The following RPS24 variants were observed in gnomAD, a reference collection of about 807,000 sequenced individuals.
The protein encoded by RPS24 is ribosomal protein S24.
For synonymous variants in RPS24, 72 were observed against 55.6 expected (o/e 1.30, Z -1.31); for missense variants, 100 against 162.5 (o/e 0.62, Z 2.09).
chr10:78,035,926 C>T, intron 3 of RPS24: 1 of 581,086 alleles, frequency 1.7e-6, no homozygotes, highest in East Asian at 3.0e-5. Context: ...TTCAGAAGGG[C>T]AGCTGAAGTA....
At chr10:78,039,953 G>T in intron 4 of RPS24, 1 of 571,506 alleles carries the variant, frequency 1.7e-6, no homozygotes, top group Non-Finnish European at 3.2e-6. Flanking sequence ...TCTCTTCATT[G>T]TGAAGTCCGG....
intron 4 of RPS24, chr10:78,039,817 T>A (rs1847953506): frequency 3.7e-6 from 1 of 273,304 alleles, no homozygotes; most frequent in African/African-American, 2.2e-5. Flanking sequence ...CTGTAATGAT[T>A]CTCGTAACTG....
Position 78,035,794 on chromosome 10 carries a change from A to G in RPS24, c.279+74A>G, listed in dbSNP as rs372574990. 7 of 1,253,208 alleles carry G rather than the reference A, an allele frequency of 5.6e-6. No homozygotes were observed. In the African/African-American group the frequency reaches 7.3e-5, roughly 13 times the overall value. The allele number at this position is 1,253,208 out of a possible 1,614,324, so 77.6% of individuals were successfully genotyped here. On this transcript the variant is annotated intron_variant, in intron 3 of 5. Transcript: ENST00000372360. ...AATAGCGTTGTGTTGTGAGTGTGGT[A>G]AAAAGGGCAAGACCAAGCAATCTGG...
At chr10:78,046,921 A>G (rs543402548) in intron 4 of RPS24, among the ~76,000 whole-genome samples, 4 of 151,902 alleles carry the variant, frequency 2.6e-5, no homozygotes, top group Admixed American at 6.5e-5. Flanking sequence ...CTAGAAATTC[A>G]ATTTCTTGGG....
At chr10:78,055,053 C>T in exon 5 of RPS24, 2 of 1,456,702 alleles carry the variant, frequency 1.4e-6, no homozygotes, top group African/African-American at 1.4e-5. Flanking sequence ...GAGGATGCTT[C>T]ATCTCTCCAC....
At chr10:78,040,521 ATTG>A in intron 5 of RPS24, 91 bp from the exon 6 acceptor site, 4 of 900,804 alleles carry the variant, frequency 4.4e-6, no homozygotes, top group South Asian at 4.0e-5. Context: ...GTTACTAATA[ATTG>A]TTGTGCATGA....
At chr10:78,037,133 G>T in intron 3 of RPS24, 61 bp from the exon 4 acceptor site, 1 of 1,554,512 alleles carries the variant, frequency 6.4e-7, no homozygotes, top group Non-Finnish European at 8.7e-7. Context: ...TTCCCTACCA[G>T]AGTGGTGGGT....
intron 4 of RPS24, chr10:78,039,962 G>T (rs992074498): frequency 1.7e-6 from 1 of 587,868 alleles, no homozygotes; most frequent in African/African-American, 1.9e-5. Flanking sequence ...TGTGAAGTCC[G>T]GCTACCTCGT....
rs558584969 is a variant in RPS24 at position 78,054,666 on chromosome 10, G to A, written c.526G>A (p.Val176Met). Residue 176 changes from valine (V) to methionine (M), a missense_variant, in exon 5 of 5, where the codon GTG (valine) becomes ATG (methionine). Val to Met is a conservative substitution (Grantham distance 21, BLOSUM62 1). Transcript: ENST00000440692. ...GGTAGAAGTGCCAGGACCGTGGAGC[G>A]TGTGGACATGTGGCAGATTGCGGAG... The A allele has an allele frequency of 3.5e-5, 54 of 1,551,726 alleles. No individual in the cohort carries two copies. The highest frequency in any genetic ancestry group is 1.6e-4 in the Admixed American group (8 of 51,008).
intron 4 of RPS24, among the ~76,000 whole-genome samples, chr10:78,051,274 C>T: frequency 6.6e-6 from 1 of 152,218 alleles, no homozygotes; most frequent in East Asian, 1.9e-4. Context: ...CCCTGGCAAC[C>T]ACAAATCTGT....
chr10:78,051,161 G>A (rs1486370852), intron 4 of RPS24, among the ~76,000 whole-genome samples: 1 of 152,178 alleles, frequency 6.6e-6, no homozygotes, highest in Admixed American at 6.5e-5. Context: ...CTGCACTCCA[G>A]CCTGGGCAAC....
rs1025342367 is a variant in RPS24 at position 78,037,273 on chromosome 10, C to T, written c.359C>T (p.Thr120Ile). 6.2e-7 allele frequency: 1 copy of T among 1,606,418 alleles called. No individual in the cohort carries two copies. Among genetic ancestry groups the T allele is most frequent in the African/African-American group, 1.3e-5 (1 of 74,872 alleles). ...RKNRMKKVRGTAKANVGAGKK is the reference protein window; with the variant it reads ...RKNRMKKVRGIAKANVGAGKK Reference sequence around the variant, plus strand: ...AACAGAATGAAGAAAGTCAGGGGGACTGCAAAGGCCAATGTTGGTGCTGGC... The same window carrying T: ...AACAGAATGAAGAAAGTCAGGGGGATTGCAAAGGCCAATGTTGGTGCTGGC... Residue 120 changes from threonine to isoleucine, a missense_variant, in exon 4 of 6, where the codon ACT (threonine) becomes ATT (isoleucine). Physicochemically the swap from Thr to Ile is moderately conservative, Grantham distance 89. Coordinates refer to ENST00000372360, the MANE Select transcript of RPS24 (RefSeq NM_033022.4).
chr10:78,041,094 C>T (rs144174853), downstream of RPS24, among the ~76,000 whole-genome samples: 53 of 152,080 alleles, frequency 3.5e-4, no homozygotes, highest in African/African-American at 1.1e-3. Context: ...CCTACCTTGG[C>T]CACATAAAGT....
At chr10:78,055,264 C>T in exon 5 of RPS24, 1 of 409,780 alleles carries the variant, frequency 2.4e-6, no homozygotes, top group South Asian at 1.3e-4. Flanking sequence ...ACATTTAAGG[C>T]TTTCCTTCCT....
At position 78,033,895 on chromosome 10, in the gene RPS24, C is replaced by G. The variant is rs200489620; in HGVS notation, c.-7C>G. On this transcript the variant is annotated 5_prime_UTR_variant, in exon 1 of 6. In the 5' UTR this introduces an upstream ATG that the reference lacks. Coordinates refer to ENST00000372360, the MANE Select transcript of RPS24 (RefSeq NM_033022.4). ...CCTCCTTGGCTGTCTGAAGATAGAT[C>G]GCCATCATGGTGAGTCTCCCTGGGC... 3.1e-6 allele frequency: 5 copies of G among 1,613,966 alleles called. No individual in the cohort carries two copies. Among genetic ancestry groups the G allele is most frequent in the Admixed American group, 1.7e-5 (1 of 60,010 alleles).
chr10:78,036,021 A>C lies in RPS24; in HGVS notation c.279+301A>C, dbSNP rs115281408. The stretch of plus-strand genomic sequence containing the variant: ...TGTTTGGAAAGGTAGCCTGGCACCA[A>C]ATTCACTTAGTTTGGATTAAGTCTG... On this transcript the variant is annotated intron_variant, in intron 3 of 5. Coordinates refer to ENST00000372360, the MANE Select transcript of RPS24 (RefSeq NM_033022.4). The C allele has an allele frequency of 2.7e-3, 1,096 of 401,656 alleles. 12 individuals are homozygous for C. The highest frequency in any genetic ancestry group is 0.021 in the African/African-American group (1,020 of 48,780). The allele number at this position is 401,656 out of a possible 1,614,324, so 24.9% of individuals were successfully genotyped here.
intron 4 of RPS24, among the ~76,000 whole-genome samples, chr10:78,046,454 G>T (rs1462679356): frequency 6.7e-6 from 1 of 148,288 alleles, no homozygotes; most frequent in Non-Finnish European, 1.5e-5. Flanking sequence ...CACCTTCTGG[G>T]TTCAAGTGAT....
exon 5 of RPS24, chr10:78,054,811 C>T: frequency 1.9e-6 from 3 of 1,551,676 alleles, no homozygotes; most frequent in Non-Finnish European, 2.6e-6. Flanking sequence ...TTCATGTCGC[C>T]TGCCTCACCT....
downstream of RPS24, among the ~76,000 whole-genome samples, chr10:78,042,159 T>G (rs1847992831): frequency 6.6e-6 from 1 of 152,266 alleles, no homozygotes. Context: ...GTAGCCCACC[T>G]TCCTGTTTGA....
Sources: gnomAD v4.1 joint callset for allele counts (sites outside exome capture counted in the v4.1 genomes callset) on GRCh38, gnomAD v4.1.1 for gene constraint, MANE v1.5 for transcripts, NCBI Gene and HGNC (gene_info 2026-07-23, HGNC 2026-07-21) for gene names.